URGCP: variants seen among roughly 807,000 people sequenced by gnomAD.
The protein encoded by URGCP is up-regulator of cell proliferation.
Under a neutral mutation model 24.6 loss-of-function variants are expected in URGCP, and 13 were observed. The ratio of observed to expected loss-of-function variants is 0.53; its 90% CI spans 0.34 to 0.84. URGCP has a LOEUF of 0.84. Among genes scored for constraint, URGCP ranks in the 40% least tolerant of loss-of-function variants. The pLI is 0.01. For synonymous variants in URGCP, 444 were observed against 487.2 expected (o/e 0.91, Z 1.17); for missense variants, 899 against 1,194.3 (o/e 0.75, Z 3.64).
chr7:43,881,281 A>G (rs759672677), intron 5 of URGCP: 46 of 700,638 alleles, frequency 6.6e-5, no homozygotes, highest in Non-Finnish European at 1.0e-4. Context: ...CTGATCTGCA[A>G]ATGAAGGCGT....
chr7:43,876,479 T>A lies in URGCP; in HGVS notation c.*188A>T, dbSNP rs2095844495. The A allele has an allele frequency of 1.6e-6, 1 of 633,506 alleles. No homozygotes were observed. Among genetic ancestry groups the A allele is most frequent in the African/African-American group, 1.8e-5 (1 of 54,682 alleles). 39.2% of individuals were successfully genotyped at this position (633,506 alleles called of 1,614,324 possible). A position where few individuals can be genotyped will look rare whatever the true frequency, so the allele number is the denominator to read the frequency against. ...GATATTCTTGGTAACATCTCTGAGCTGGTCTGTGAGGTCACTTCCTCTTTT... is the reference window on the plus strand; with the variant it reads ...GATATTCTTGGTAACATCTCTGAGCAGGTCTGTGAGGTCACTTCCTCTTTT... On this transcript the variant is annotated 3_prime_UTR_variant, in exon 6 of 6. Transcript: ENST00000453200.
rs1451604962 is a variant in URGCP at position 43,887,484 on chromosome 7, G to A, written c.43C>T (p.His15Tyr). ...GGGGCTACTTCTCCCAAATCTGAATGCCTGAAACAATTTCAGAAGAAAATT... is the reference window on the plus strand; with the variant it reads ...GGGGCTACTTCTCCCAAATCTGAATACCTGAAACAATTTCAGAAGAAAATT... ...GIEVELLGKG[H>Y]SDLGEVAPEI... The change falls in exon 3 of 6, where the codon CAT becomes TAT. Residue 15 changes from histidine to tyrosine, a missense_variant and splice_region_variant. Physicochemically the swap from His to Tyr is moderately conservative, Grantham distance 83 (BLOSUM62 2). Coordinates refer to ENST00000453200, the MANE Select transcript of URGCP (RefSeq NM_001077663.3). 2 of 1,613,598 alleles carry A rather than the reference G, an allele frequency of 1.2e-6. No homozygotes were observed. Among genetic ancestry groups the A allele is most frequent in the Admixed American group, 1.7e-5 (1 of 59,968 alleles).
upstream of URGCP, chr7:43,910,809 T>A (rs929201305): frequency 1.3e-5 from 2 of 152,050 alleles, no homozygotes; most frequent in Admixed American, 1.3e-4. Context: ...TGAGCCAAGA[T>A]TTCACCACTG....
At chr7:43,911,484 T>C (rs1249059904), upstream of URGCP, among the ~76,000 whole-genome samples, 3 of 152,004 alleles carry the variant, frequency 2.0e-5, no homozygotes, top group African/African-American at 7.3e-5. Context: ...TCACCTGAGG[T>C]CAGGAGTTCA....
upstream of URGCP, among the ~76,000 whole-genome samples, chr7:43,909,660 A>G (rs2095907867): frequency 6.6e-6 from 1 of 152,100 alleles, no homozygotes; most frequent in South Asian, 2.1e-4. Flanking sequence ...CAGGAGGTGG[A>G]GGCTGCAGTG....
chr7:43,906,346 G>T, intron 1 of URGCP: 1 of 264,918 alleles, frequency 3.8e-6, no homozygotes, highest in Non-Finnish European at 5.6e-6. Context: ...GCTGTCCTCC[G>T]CCGGCGCCCC....
Position 43,877,730 on chromosome 7 carries a change from G to A in URGCP, c.1733C>T (p.Ala578Val), listed in dbSNP as rs765490942. ...RWMEWGLARV[A>V]QPRLRQPPET... ...CGGAGGCTGTCTCAGTCGCGGCTGG[G>A]CCACCCGTGCCAGGCCCCACTCCAT... The change falls in exon 6 of 6, where the codon GCC becomes GTC. Residue 578 changes from alanine to valine, a missense_variant. Coordinates refer to ENST00000453200, the MANE Select transcript of URGCP (RefSeq NM_001077663.3). 1 of 1,609,664 alleles carries A rather than the reference G, an allele frequency of 6.2e-7. No individual in the cohort carries two copies. The highest frequency in any genetic ancestry group is 8.5e-7 in the Non-Finnish European group (1 of 1,178,114).
chr7:43,926,463 G>C, upstream of URGCP: 1 of 1,375,014 alleles, frequency 7.3e-7, no homozygotes, highest in Non-Finnish European at 9.5e-7. Flanking sequence ...GCTTGGTGGC[G>C]GCTGAGCCGG....
intron 1 of URGCP, among the ~76,000 whole-genome samples, chr7:43,890,275 C>T (rs1306083475): frequency 5.3e-5 from 7 of 133,254 alleles, no homozygotes; most frequent in Admixed American, 1.6e-4. Context: ...AGTGCAGTGG[C>T]GTGATCTCGA....
chr7:43,879,377 G>A (rs2095850620), intron 5 of URGCP, 117 bp from the exon 6 acceptor site: 2 of 1,236,524 alleles, frequency 1.6e-6, no homozygotes, highest in East Asian at 4.7e-5. Flanking sequence ...CCTTCAGAGA[G>A]CAGAGTGCAG....
chr7:43,884,981 C>T (rs2095860003), intron 3 of URGCP, among the ~76,000 whole-genome samples: 1 of 151,988 alleles, frequency 6.6e-6, no homozygotes. Context: ...CTGGAAGGGA[C>T]CTTTGGGGGC....
Position 43,877,787 on chromosome 7 carries a change from G to A in URGCP, c.1676C>T (p.Ser559Phe). The A allele has an allele frequency of 6.2e-7, 1 of 1,603,096 alleles. No homozygotes were observed. The highest frequency in any genetic ancestry group is 8.5e-7 in the Non-Finnish European group (1 of 1,174,392). The change falls in exon 6 of 6, where the codon TCC becomes TTC. Residue 559 changes from serine (S) to phenylalanine (F), a missense_variant. By Grantham distance (155) the Ser-to-Phe change is radical (BLOSUM62 -2). Coordinates refer to ENST00000453200, the MANE Select transcript of URGCP (RefSeq NM_001077663.3). Reference protein sequence around the residue: ...QEFISGISSPSLSEKQYFLRW... With the variant: ...QEFISGISSPFLSEKQYFLRW... ...CAGGAAGTACTGCTTCTCACTCAAG[G>A]AGGGGCTGCTGATCCCCGAGATGAA...
At chr7:43,913,060 A>AGC (rs1275162330) in intron 1 of URGCP, among the ~76,000 whole-genome samples, 1 of 152,132 alleles carries the variant, frequency 6.6e-6, no homozygotes, top group Non-Finnish European at 1.5e-5. Flanking sequence ...CATGTTGGCC[A>AGC]GACTGGTCTC....
chr7:43,893,609 G>A (rs975332097), intron 1 of URGCP, among the ~76,000 whole-genome samples: 4 of 151,920 alleles, frequency 2.6e-5, no homozygotes, highest in Non-Finnish European at 4.4e-5. Context: ...AGTGGCTCAC[G>A]CCTATAATCC....
At chr7:43,906,658 C>G (rs902602770), upstream of URGCP, 13 of 1,103,008 alleles carry the variant, frequency 1.2e-5, no homozygotes, top group South Asian at 8.7e-5. Flanking sequence ...CCTGGCCCGC[C>G]GGCCGCCCGC....
intron 1 of URGCP, among the ~76,000 whole-genome samples, chr7:43,912,347 A>C (rs1458947153): frequency 6.6e-6 from 1 of 152,138 alleles, no homozygotes; most frequent in East Asian, 1.9e-4. Flanking sequence ...AAAATACAAA[A>C]AATTAGCCAG....
chr7:43,915,604 AG>A (rs2095914643), intron 1 of URGCP, among the ~76,000 whole-genome samples: 1 of 152,230 alleles, frequency 6.6e-6, no homozygotes, highest in African/African-American at 2.4e-5. Context: ...TCATGGCCCA[AG>A]GGCCCCATGC....
At chr7:43,907,806 C>A (rs989771812), upstream of URGCP, among the ~76,000 whole-genome samples, 4 of 152,214 alleles carry the variant, frequency 2.6e-5, no homozygotes, top group Non-Finnish European at 5.9e-5. Context: ...TTGCGTGATG[C>A]ATGGTCTCTT....
Position 43,887,360 on chromosome 7 carries a change from CAGG to C in URGCP, c.112+52_112+54del, listed in dbSNP as rs2095863672. ...GCTGGAACCCAGAATCCCAAGGGGA[CAGG>C]AGAAGTACTTCAGCTCCAGAGTGGG... On this transcript the variant is annotated intron_variant, in intron 3 of 5. Transcript: ENST00000453200. 5.0e-6 allele frequency: 8 copies of C among 1,603,340 alleles called. No homozygotes were observed. In the Admixed American group the frequency reaches 1.2e-4, roughly 24 times the overall value.
Sources: allele counts gnomAD v4.1 joint callset (sites outside exome capture counted in the v4.1 genomes callset), GRCh38; gene constraint gnomAD v4.1.1; transcripts MANE v1.5; gene names NCBI Gene and HGNC (gene_info 2026-07-23, HGNC 2026-07-21).